SRRM4: variants seen among roughly 807,000 people sequenced by gnomAD.
SRRM4 encodes the protein serine/arginine repetitive matrix protein 4.
A neutral mutation model predicts 68.9 loss-of-function variants in SRRM4; 33 were observed. That is an observed-to-expected ratio of 0.48 (90% CI 0.36 to 0.64). SRRM4 has a LOEUF of 0.64. SRRM4 is among the 30% of genes least tolerant of loss of function. The probability of loss-of-function intolerance (pLI) is 0.00; values close to 1 mark genes in which losing one functional copy is unlikely to be tolerated. For missense variants in SRRM4, 817 were observed against 827.1 expected (o/e 0.99, Z 0.15); for synonymous variants, 318 against 318.8 (o/e 1.00, Z 0.03).
chr12:119,036,101 T>C (rs1953625288), intron 1 of SRRM4, among the ~76,000 whole-genome samples: 1 of 151,944 alleles, frequency 6.6e-6, no homozygotes, highest in African/African-American at 2.4e-5. Flanking sequence ...TGACAAGGAG[T>C]TTTGCCTGCA....
At position 119,154,472 on chromosome 12, in the gene SRRM4, C is replaced by T. The variant is rs2136070391; in HGVS notation, c.1532+89C>T. The T allele has an allele frequency of 2.1e-6, 3 of 1,457,906 alleles. No individual in the cohort carries two copies. The South Asian group carries it at 3.7e-5, about 18-fold the overall frequency. 90.3% of individuals were successfully genotyped at this position (1,457,906 alleles called of 1,614,324 possible). A position where few individuals can be genotyped will look rare whatever the true frequency, so the allele number is the denominator to read the frequency against. On this transcript the variant is annotated intron_variant, in intron 12 of 12. Transcript: ENST00000267260. The surrounding 1 kb of genome is among the most constrained non-coding windows in gnomAD (Gnocchi z 4.7). ...CGAGCCTCAGGCTCTCCCTAGGCCT[C>T]CTTGGGGCTGGGATTTAGGATTGTG... is the stretch of plus-strand genomic sequence containing the variant.
At chr12:119,037,340 A>C (rs2136009433) in intron 1 of SRRM4, among the ~76,000 whole-genome samples, 1 of 152,234 alleles carries the variant, frequency 6.6e-6, no homozygotes, top group South Asian at 2.1e-4. Context: ...CCAATCCAGA[A>C]TGCAAACAGA....
At chr12:119,016,260 G>C (rs1269327365) in intron 1 of SRRM4, among the ~76,000 whole-genome samples, 2 of 152,048 alleles carry the variant, frequency 1.3e-5, no homozygotes, top group Non-Finnish European at 2.9e-5. Context: ...ATAACTGTGA[G>C]AGAATGTATG....
intron 2 of SRRM4, among the ~76,000 whole-genome samples, chr12:119,102,643 A>G (rs957152006): frequency 6.6e-6 from 1 of 152,226 alleles, no homozygotes; most frequent in Non-Finnish European, 1.5e-5. Context: ...CTGTGTTCCA[A>G]TAAAATTGTA....
At chr12:119,116,896 T>G in intron 3 of SRRM4, 41 bp from the exon 4 acceptor site, 1 of 1,602,934 alleles carries the variant, frequency 6.2e-7, no homozygotes, top group Non-Finnish European at 8.5e-7. Context: ...CCTTGGCCTT[T>G]AAGAGCCTCC....
At chr12:119,113,326 G>A (rs1439893205) in intron 2 of SRRM4, among the ~76,000 whole-genome samples, 1 of 152,172 alleles carries the variant, frequency 6.6e-6, no homozygotes. Flanking sequence ...AGCTGGTTTT[G>A]TGGGGAAAAT....
chr12:118,992,544 G>A lies in SRRM4; in HGVS notation c.131+10531G>A, dbSNP rs943495173. Reference sequence around the variant, plus strand: ...CCTCCTGTCCACAGCCAGGTGGCAGGTGATTCTGGGACCCAACCCACATCC... The same window carrying A: ...CCTCCTGTCCACAGCCAGGTGGCAGATGATTCTGGGACCCAACCCACATCC... On this transcript the variant is annotated intron_variant, in intron 1 of 12. Coordinates refer to ENST00000267260, the MANE Select transcript of SRRM4 (RefSeq NM_194286.4). Among the ~76,000 whole-genome samples, 3 of 152,230 alleles carry A rather than the reference G, an allele frequency of 2.0e-5. 1 individual carries two copies. Among genetic ancestry groups the A allele is most frequent in the African/African-American group, 7.2e-5 (3 of 41,454 alleles).
intron 1 of SRRM4, among the ~76,000 whole-genome samples, chr12:118,991,967 GA>G (rs1953319545): frequency 6.6e-6 from 1 of 152,236 alleles, no homozygotes; most frequent in Non-Finnish European, 1.5e-5. Context: ...TTTACACGTG[GA>G]GGGCTGAGGG....
intron 8 of SRRM4, among the ~76,000 whole-genome samples, chr12:119,131,795 A>G (rs1040960709): frequency 3.3e-5 from 5 of 152,244 alleles, no homozygotes; most frequent in Admixed American, 6.5e-5. Flanking sequence ...ACAGACGAAC[A>G]GGAAGAGAGT....
At chr12:119,011,852 T>G (rs1276783485) in intron 1 of SRRM4, among the ~76,000 whole-genome samples, 13 of 152,198 alleles carry the variant, frequency 8.5e-5, no homozygotes. Flanking sequence ...TTGGAAGACC[T>G]GGTTGCCAAT....
intron 2 of SRRM4, among the ~76,000 whole-genome samples, chr12:119,104,343 T>C (rs1406075932): frequency 6.6e-6 from 1 of 152,108 alleles, no homozygotes; most frequent in Non-Finnish European, 1.5e-5. Flanking sequence ...GCTGTTGTAC[T>C]CTAGTGTACA....
At chr12:119,024,578 G>A (rs944665723) in intron 1 of SRRM4, among the ~76,000 whole-genome samples, 1 of 152,138 alleles carries the variant, frequency 6.6e-6, no homozygotes, top group African/African-American at 2.4e-5. Flanking sequence ...TGTCCTGGGT[G>A]CCCCCTCCCC....
At chr12:119,017,333 C>A (rs763031825) in intron 1 of SRRM4, among the ~76,000 whole-genome samples, 1 of 152,206 alleles carries the variant, frequency 6.6e-6, no homozygotes, top group Admixed American at 6.5e-5. Flanking sequence ...CTAAAATTCC[C>A]GGATGCTATG....
chr12:119,059,613 T>C (rs1160171776), intron 1 of SRRM4, among the ~76,000 whole-genome samples: 1 of 152,022 alleles, frequency 6.6e-6, no homozygotes, highest in African/African-American at 2.4e-5. Flanking sequence ...AAGTTGAGAA[T>C]TGAGAGAGTG....
chr12:119,009,614 T>C (rs1231924432), intron 1 of SRRM4, among the ~76,000 whole-genome samples: 1 of 152,168 alleles, frequency 6.6e-6, no homozygotes, highest in African/African-American at 2.4e-5. Flanking sequence ...CTACTTCACC[T>C]CTCTGAGGCT....
At chr12:119,023,427 A>T (rs1163848661) in intron 1 of SRRM4, among the ~76,000 whole-genome samples, 1 of 152,168 alleles carries the variant, frequency 6.6e-6, no homozygotes, top group Non-Finnish European at 1.5e-5. Flanking sequence ...TATGGAAGCC[A>T]AGCTCCCAAA....
At chr12:119,139,784 A>G (rs1954353250) in intron 8 of SRRM4, among the ~76,000 whole-genome samples, 1 of 152,232 alleles carries the variant, frequency 6.6e-6, no homozygotes, top group South Asian at 2.1e-4. Flanking sequence ...GGACTGCTTC[A>G]GCCCAGAAAA....
At chr12:118,998,388 A>G (rs1360306581) in intron 1 of SRRM4, among the ~76,000 whole-genome samples, 1 of 151,522 alleles carries the variant, frequency 6.6e-6, no homozygotes, top group Non-Finnish European at 1.5e-5. Context: ...ATCTGAGATC[A>G]GTAGAAAAGA....
intron 7 of SRRM4, among the ~76,000 whole-genome samples, chr12:119,129,963 A>AGATG (rs10549675): frequency 0.12 from 15,893 of 136,496 alleles, 1,033 homozygotes; most frequent in Non-Finnish European, 0.15. Context: ...AAGGAAGGAC[A>AGATG]GATGGATGGA....
Sources: allele counts gnomAD v4.1 joint callset (sites outside exome capture counted in the v4.1 genomes callset), GRCh38; gene constraint gnomAD v4.1.1; non-coding constraint Gnocchi (gnomAD v3.1); transcripts MANE v1.5; gene names NCBI Gene and HGNC (gene_info 2026-07-23, HGNC 2026-07-21).